Variants in DISC1 observed in about 807,000 individuals in gnomAD.
The protein encoded by DISC1 is disrupted in schizophrenia 1 protein.
In DISC1, 57 loss-of-function variants were observed where a neutral mutation model predicts 84.5. That is an observed-to-expected ratio of 0.67 (90% CI 0.55 to 0.84). The LOEUF is 0.84. DISC1 is among the 40% of genes least tolerant of loss of function. The pLI is 0.00. For missense variants in DISC1, 1,000 were observed against 1,057.8 expected, an observed-to-expected ratio of 0.95 and a Z score of 0.76; for synonymous variants, 411 against 415.2, an observed-to-expected ratio of 0.99 and a Z score of 0.12.
intron 1 of DISC1, among the ~76,000 whole-genome samples, chr1:231,658,660 C>T (rs1156708858): frequency 2.0e-5 from 3 of 152,104 alleles, no homozygotes; most frequent in Non-Finnish European, 4.4e-5. Flanking sequence ...CCTTCAATAC[C>T]TAGTTTATTG....
intron 9 of DISC1, among the ~76,000 whole-genome samples, chr1:231,849,078 G>A (rs922966513): frequency 4.7e-5 from 7 of 150,486 alleles, no homozygotes; most frequent in Admixed American, 4.0e-4. Flanking sequence ...TATGTGTTAC[G>A]TTTACTTATC....
At chr1:231,693,757 C>T (rs899329682) in intron 1 of DISC1, 69 bp from the exon 2 acceptor site, 3 of 1,607,926 alleles carry the variant, frequency 1.9e-6, no homozygotes, top group Non-Finnish European at 2.5e-6. Context: ...GGGATGTTCT[C>T]CAGATGCAGT....
rs559246419 is a variant in DISC1 at position 231,934,411 on chromosome 1, T to A, written c.1982-24417T>A. The stretch of plus-strand genomic sequence containing the variant: ...CGTGGAGGCCATGCTGTGGGGACTG[T>A]GTGTTAATGTCCTTGTAGCTCAAGA... On this transcript the variant is annotated intron_variant, in intron 9 of 12. Coordinates refer to ENST00000439617, the MANE Select transcript of DISC1 (RefSeq NM_018662.3). 1.2e-3 allele frequency among the ~76,000 whole-genome samples: 190 copies of A among 152,348 alleles called. 1 individual carries two copies. In the South Asian group the frequency reaches 0.019, roughly 15 times the overall value.
chr1:231,753,329 G>A (rs2074806125), intron 4 of DISC1, among the ~76,000 whole-genome samples: 1 of 152,244 alleles, frequency 6.6e-6, no homozygotes, highest in South Asian at 2.1e-4. Context: ...CTTGCACTCT[G>A]TGCACCTGCA....
chr1:231,800,001 C>A lies in DISC1; in HGVS notation c.1690-107C>A, dbSNP rs559208579. 35 of 740,830 alleles carry A rather than the reference C, an allele frequency of 4.7e-5. No homozygotes were observed. In the East Asian group the frequency reaches 9.6e-4, roughly 20 times the overall value. 45.9% of individuals were successfully genotyped at this position (740,830 alleles called of 1,614,324 possible). ...ATTGTCTTCCAATTACTTTTCATCA[C>A]CCCTTTTAATTACTTACAAACCCAG... is the stretch of plus-strand genomic sequence containing the variant. On this transcript the variant is annotated intron_variant, in intron 7 of 12. Coordinates refer to ENST00000439617, the MANE Select transcript of DISC1 (RefSeq NM_018662.3).
At chr1:231,732,285 A>G (rs1041150635) in intron 3 of DISC1, among the ~76,000 whole-genome samples, 1 of 152,122 alleles carries the variant, frequency 6.6e-6, no homozygotes, top group African/African-American at 2.4e-5. Flanking sequence ...TTTTTTTACA[A>G]CCTTGTGTCC....
At chr1:231,851,509 CCT>C (rs2083896657) in intron 9 of DISC1, among the ~76,000 whole-genome samples, 2 of 152,204 alleles carry the variant, frequency 1.3e-5, no homozygotes, top group South Asian at 4.1e-4. Flanking sequence ...TACATTCACC[CCT>C]GTCCGAAGGG....
intron 6 of DISC1, among the ~76,000 whole-genome samples, chr1:231,780,678 A>G (rs1223293132): frequency 9.3e-6 from 1 of 107,138 alleles, no homozygotes. Context: ...CCAAAGGACT[A>G]TAAATCATGC....
At position 231,833,821 on chromosome 1, in the gene DISC1, CCTCTA is replaced by C. The variant is rs1305266874; in HGVS notation, c.1981+15310_1981+15314del. On this transcript the variant is annotated intron_variant, in intron 9 of 12. Coordinates refer to ENST00000439617, the MANE Select transcript of DISC1 (RefSeq NM_018662.3). ...TCAGAAATATGTTGCTACTTGGCTG[CCTCTA>C]CTCTATTATTGTACACCTTGAAGGC... Among the ~76,000 whole-genome samples, 4 of 152,112 alleles carry C rather than the reference CCTCTA, an allele frequency of 2.6e-5. No homozygotes were observed. In the East Asian group the frequency reaches 7.7e-4, roughly 29 times the overall value.
chr1:231,707,531 TCCTTA>T (rs2067239317), intron 3 of DISC1, among the ~76,000 whole-genome samples: 1 of 152,136 alleles, frequency 6.6e-6, no homozygotes. Flanking sequence ...ACTCACTACA[TCCTTA>T]GCACCTATGA....
Position 231,784,668 on chromosome 1 carries a change from T to C in DISC1, c.1635-10574T>C, listed in dbSNP as rs111736394. On this transcript the variant is annotated intron_variant, in intron 6 of 12. Transcript: ENST00000439617. ...TTTATGAAATGGTCTTTCTATACTT[T>C]ATTCCTCCCATGATCCTCAAAAGAT... is the stretch of plus-strand genomic sequence containing the variant. Among the ~76,000 whole-genome samples the C allele has an allele frequency of 3.0e-3, 461 of 152,358 alleles. 4 individuals are homozygous for C. The highest frequency in any genetic ancestry group is 0.011 in the African/African-American group (437 of 41,588).
chr1:231,817,072 T>A (rs569034510), intron 8 of DISC1, among the ~76,000 whole-genome samples: 168 of 152,222 alleles, frequency 1.1e-3, no homozygotes, highest in African/African-American at 3.9e-3. Context: ...CTCAAACTCA[T>A]GGGCTCATTC....
In DISC1 at chr1:231,786,021, T is replaced by C. The variant is rs2077829184; in HGVS notation, c.1635-9221T>C. Among the ~76,000 whole-genome samples, 3 of 152,200 alleles carry C rather than the reference T, an allele frequency of 2.0e-5. No homozygotes were observed. In the South Asian group the frequency reaches 6.2e-4, roughly 32 times the overall value. ...TAATATATCTCTATTATCTATTATA[T>C]TTCTGTCTCATCTAATATATTCTGT... On this transcript the variant is annotated intron_variant, in intron 6 of 12. Transcript: ENST00000439617.
intron 9 of DISC1, among the ~76,000 whole-genome samples, chr1:231,941,956 A>AGCTG (rs3028343): frequency 0.18 from 27,315 of 151,998 alleles, 3,344 homozygotes; most frequent in East Asian, 0.69. Context: ...AGGATAAGCA[A>AGCTG]GCTGCCCCCA....
chr1:231,905,413 G>A (rs1490696566), intron 9 of DISC1, among the ~76,000 whole-genome samples: 1 of 151,846 alleles, frequency 6.6e-6, no homozygotes, highest in Non-Finnish European at 1.5e-5. Flanking sequence ...GAGCCTGAGA[G>A]TTCGAAACCA....
In DISC1 at chr1:231,762,958, G is replaced by A. The variant is rs138544164; in HGVS notation, c.1269-4182G>A. Among the ~76,000 whole-genome samples the A allele has an allele frequency of 2.8e-4, 42 of 152,320 alleles. No individual in the cohort carries two copies. In the East Asian group the frequency reaches 3.9e-3, roughly 14 times the overall value. On this transcript the variant is annotated intron_variant, in intron 4 of 12. Transcript: ENST00000439617. ...TTCAGAGAGATTAGGTAAGTGCGGTGACACGGTGTGAAAAAGGCAGAACCA... is the reference window on the plus strand; with the variant it reads ...TTCAGAGAGATTAGGTAAGTGCGGTAACACGGTGTGAAAAAGGCAGAACCA...
intron 4 of DISC1, among the ~76,000 whole-genome samples, chr1:231,758,990 C>A (rs1338264754): frequency 6.6e-6 from 1 of 152,132 alleles, no homozygotes; most frequent in African/African-American, 2.4e-5. Context: ...CAAACTCAAG[C>A]AAACAAAATA....
At chr1:231,730,867 A>G (rs2071424117) in intron 3 of DISC1, among the ~76,000 whole-genome samples, 2 of 152,230 alleles carry the variant, frequency 1.3e-5, no homozygotes, top group Non-Finnish European at 2.9e-5. Flanking sequence ...ATGACTGAAT[A>G]TATGTCTAAA....
chr1:231,955,418 A>G (rs923268490), intron 9 of DISC1, among the ~76,000 whole-genome samples: 15 of 150,828 alleles, frequency 9.9e-5, no homozygotes, highest in Admixed American at 8.6e-4. Flanking sequence ...CATTCTTCCC[A>G]TCTCAGTTGA....
Sources: allele counts gnomAD v4.1 joint callset (sites outside exome capture counted in the v4.1 genomes callset), GRCh38; gene constraint gnomAD v4.1.1; transcripts MANE v1.5; gene names NCBI Gene and HGNC (gene_info 2026-07-23, HGNC 2026-07-21).